The following HS3ST6 variants were observed in gnomAD, a reference collection of about 807,000 sequenced individuals.
HS3ST6 encodes heparan sulfate glucosamine 3-O-sulfotransferase 6.
A neutral mutation model predicts 11.0 loss-of-function variants in HS3ST6; 13 were observed. The observed-to-expected ratio is 1.18, with a 90% CI of 0.77 to 1.88. HS3ST6 has a LOEUF of 1.88. Among genes scored for constraint, HS3ST6 ranks in the 40% most tolerant of loss-of-function variants. HS3ST6 has a pLI of 0.00. For synonymous variants in HS3ST6, 232 were observed against 230.6 expected (o/e 1.01, Z -0.06); for missense variants, 541 against 494.4 (o/e 1.09, Z -0.89).
rs1374008537 is a variant in HS3ST6 at position 1,918,288 on chromosome 16, C to G, written c.36G>C (p.Gly12=). Residue 12 remains glycine, a synonymous_variant, in exon 1 of 2, where the codon GGG becomes GGC. Coordinates refer to ENST00000454677, the MANE Select transcript of HS3ST6 (RefSeq NM_001009606.4). The surrounding 1 kb of genome is among the most constrained non-coding windows in gnomAD (Gnocchi z 6.0). ...AGSGGLGGGA[G]GGQGAGAGQG... Reference sequence around the variant, plus strand: ...GCCCGGCCCCTGCGCCCTGGCCGCCCCCGGCCCCGCCGCCCAGGCCGCCGC... The same window carrying G: ...GCCCGGCCCCTGCGCCCTGGCCGCCGCCGGCCCCGCCGCCCAGGCCGCCGC... 5 of 833,998 alleles carry G rather than the reference C, an allele frequency of 6.0e-6. No individual in the cohort carries two copies. The highest frequency in any genetic ancestry group is 1.0e-4 in the South Asian group (2 of 19,090). The allele number at this position is 833,998 out of a possible 1,614,324, so 51.7% of individuals were successfully genotyped here.
Position 1,918,203 on chromosome 16 carries a change from C to G in HS3ST6, c.121G>C (p.Ala41Pro). ...CCGGGGAGGGCGCAGAGGCAGTAGG[C>G]GCCGAGCACCAGGGCCACGAGCAGC... is the stretch of plus-strand genomic sequence containing the variant. ...PMLLVALVLG[A>P]YCLCALPGRC... Residue 41 changes from alanine to proline, a missense_variant, in exon 1 of 2, where the codon GCC (alanine) becomes CCC (proline). By Grantham distance (27) the Ala-to-Pro change is conservative (BLOSUM62 -1). Transcript: ENST00000454677. The surrounding 1 kb of genome is among the most constrained non-coding windows in gnomAD (Gnocchi z 6.0). 3 of 1,064,410 alleles carry G rather than the reference C, an allele frequency of 2.8e-6. No individual in the cohort carries two copies. Among genetic ancestry groups the G allele is most frequent in the Non-Finnish European group, 3.4e-6 (3 of 883,892 alleles). 65.9% of individuals were successfully genotyped at this position (1,064,410 alleles called of 1,614,324 possible). A position where few individuals can be genotyped will look rare whatever the true frequency, so the allele number is the denominator to read the frequency against.
intron 1 of HS3ST6, among the ~76,000 whole-genome samples, chr16:1,915,930 G>A (rs892262348): frequency 2.0e-5 from 3 of 152,222 alleles, no homozygotes; most frequent in Non-Finnish European, 4.4e-5. Context: ...GCCGTGGCCC[G>A]GAGACTCAAC....
chr16:1,919,711 C>T (rs2082950816), upstream of HS3ST6, among the ~76,000 whole-genome samples: 1 of 152,250 alleles, frequency 6.6e-6, no homozygotes, highest in African/African-American at 2.4e-5. Flanking sequence ...ACAGACATTC[C>T]GGAGCTCCTA....
intron 1 of HS3ST6, among the ~76,000 whole-genome samples, chr16:1,915,806 G>A (rs987856843): frequency 5.3e-5 from 8 of 152,244 alleles, no homozygotes; most frequent in Non-Finnish European, 1.0e-4. Flanking sequence ...GCTGACTGAC[G>A]GTGGAGAGGA....
At chr16:1,915,305 G>A (rs2082918475) in intron 1 of HS3ST6, among the ~76,000 whole-genome samples, 1 of 152,168 alleles carries the variant, frequency 6.6e-6, no homozygotes, top group Non-Finnish European at 1.5e-5. Context: ...CACTCCAGCT[G>A]ACTCTTGTCG....
intron 1 of HS3ST6, among the ~76,000 whole-genome samples, chr16:1,915,287 C>T (rs1321680978): frequency 6.6e-6 from 1 of 152,162 alleles, no homozygotes; most frequent in African/African-American, 2.4e-5. Context: ...GTTTTTGAGA[C>T]AGAGCTGCAC....
chr16:1,918,024 C>A lies in HS3ST6; in HGVS notation c.300G>T (p.Lys100Asn). 1 of 1,533,932 alleles carries A rather than the reference C, an allele frequency of 6.5e-7. No individual in the cohort carries two copies. The highest frequency in any genetic ancestry group is 1.2e-5 in the South Asian group (1 of 82,652). The change falls in exon 1 of 2, where the codon AAG (lysine) becomes AAT (asparagine). Residue 100 changes from lysine to asparagine, a missense_variant. Transcript: ENST00000454677. This position sits in a 1 kb window ranked among gnomAD's most constrained non-coding sequence, Gnocchi z 6.0. ...FPQALIVGVK[K>N]GGTRALLEFL... ...ACTCCAGCAGGGCGCGCGTGCCGCC[C>A]TTCTTCACGCCAACGATGAGCGCTT...
intron 1 of HS3ST6, among the ~76,000 whole-genome samples, chr16:1,915,389 C>T (rs2082919071): frequency 6.6e-6 from 1 of 152,220 alleles, no homozygotes; most frequent in Non-Finnish European, 1.5e-5. Context: ...GATTCTCCTG[C>T]CTCAGCCTCC....
chr16:1,919,949 C>G (rs2082952063), upstream of HS3ST6, among the ~76,000 whole-genome samples: 2 of 152,206 alleles, frequency 1.3e-5, no homozygotes, highest in Admixed American at 1.3e-4. Context: ...GGTATTGTTC[C>G]CAACGGGCTG....
Position 1,911,726 on chromosome 16 carries a change from G to A in HS3ST6, c.893C>T (p.Pro298Leu), listed in dbSNP as rs1311781828. ...GCCCTTGGACTTGCCCAGGCAGCGG[G>A]GACGGCTGCCGCCCTGGGCCTTCTT... ...CLKKAQGGSR[P>L]RCLGKSKGRP... Residue 298 changes from proline (P) to leucine (L), a missense_variant, in exon 2 of 2, where the codon CCC becomes CTC. Transcript: ENST00000454677. The A allele has an allele frequency of 1.2e-6, 2 of 1,612,944 alleles. No individual in the cohort carries two copies. Among genetic ancestry groups the A allele is most frequent in the Admixed American group, 3.3e-5 (2 of 59,922 alleles).
intron 1 of HS3ST6, among the ~76,000 whole-genome samples, chr16:1,914,818 T>C (rs1567298816): frequency 6.6e-6 from 1 of 152,098 alleles, no homozygotes; most frequent in Non-Finnish European, 1.5e-5. Flanking sequence ...TTGGGATCAA[T>C]TACTTTCCCT....
At position 1,912,228 on chromosome 16, in the gene HS3ST6, G is replaced by C. The variant is rs752490117; in HGVS notation, c.414-23C>G. The C allele has an allele frequency of 2.9e-6, 4 of 1,376,762 alleles. No individual in the cohort carries two copies. Among genetic ancestry groups the C allele is most frequent in the Admixed American group, 3.1e-5 (1 of 32,604 alleles). The allele number at this position is 1,376,762 out of a possible 1,614,324, so 85.3% of individuals were successfully genotyped here. A position where few individuals can be genotyped will look rare whatever the true frequency, so the allele number is the denominator to read the frequency against. On this transcript the variant is annotated intron_variant, in intron 1 of 1. Coordinates refer to ENST00000454677, the MANE Select transcript of HS3ST6 (RefSeq NM_001009606.4). This position sits in a 1 kb window ranked among gnomAD's most constrained non-coding sequence, Gnocchi z 5.6. The stretch of plus-strand genomic sequence containing the variant: ...CTCCTGCGGGACGGGTGCAAGGAGA[G>C]GGGGCCTGAGCCTCCCCAGCCCTAG...
Position 1,912,925 on chromosome 16 carries a change from G to A in HS3ST6, c.414-720C>T, listed in dbSNP as rs2082900789. Among the ~76,000 whole-genome samples, 1 of 152,156 alleles carries A rather than the reference G, an allele frequency of 6.6e-6. No homozygotes were observed. Among genetic ancestry groups the A allele is most frequent in the African/African-American group, 2.4e-5 (1 of 41,420 alleles). On this transcript the variant is annotated intron_variant, in intron 1 of 1. Coordinates refer to ENST00000454677, the MANE Select transcript of HS3ST6 (RefSeq NM_001009606.4). This position sits in a 1 kb window ranked among gnomAD's most constrained non-coding sequence, Gnocchi z 5.6. ...TCCTGCCTCAGCCCCCGGAGTAGCT[G>A]GGATTACAGGTGCCCGCCACCACAC...
upstream of HS3ST6, among the ~76,000 whole-genome samples, chr16:1,919,687 G>A (rs1251941299): frequency 3.3e-5 from 5 of 152,218 alleles, no homozygotes; most frequent in African/African-American, 1.2e-4. Context: ...AGGGGCCGAA[G>A]GCCTCCACGA....
chr16:1,911,569 T>G lies in HS3ST6; in HGVS notation c.*21A>C, dbSNP rs2082885899. The G allele has an allele frequency of 6.4e-7, 1 of 1,571,202 alleles. No individual in the cohort carries two copies. The highest frequency in any genetic ancestry group is 1.9e-5 in the Admixed American group (1 of 53,586). On this transcript the variant is annotated 3_prime_UTR_variant, in exon 2 of 2. Coordinates refer to ENST00000454677, the MANE Select transcript of HS3ST6 (RefSeq NM_001009606.4). Reference sequence around the variant, plus strand: ...GGCGAGCGGGTGTCAATCAAGGTGCTGAGCATCCCCAGGGTGCCGCTCAGC... The same window carrying G: ...GGCGAGCGGGTGTCAATCAAGGTGCGGAGCATCCCCAGGGTGCCGCTCAGC...
At chr16:1,917,800 G>A (rs566222577) in intron 1 of HS3ST6, 111 bp downstream of exon 1, 5 of 856,244 alleles carry the variant, frequency 5.8e-6, no homozygotes, top group East Asian at 3.6e-5. Context: ...CCCACTGCCC[G>A]GAGCGCACCC....
In HS3ST6 at chr16:1,918,291, G is replaced by A. The variant is rs1359839300; in HGVS notation, c.33C>T (p.Ala11=). The change falls in exon 1 of 2, where the codon GCC becomes GCT. Residue 11 remains alanine (A), a synonymous_variant. Transcript: ENST00000454677. The surrounding 1 kb of genome is among the most constrained non-coding windows in gnomAD (Gnocchi z 6.0). ...CGGCCCCTGCGCCCTGGCCGCCCCC[G>A]GCCCCGCCGCCCAGGCCGCCGCTAC... The part of the protein sequence containing the change: MAGSGGLGGG[A]GGGQGAGAGQ... 4 of 835,624 alleles carry A rather than the reference G, an allele frequency of 4.8e-6. No individual in the cohort carries two copies. Among genetic ancestry groups the A allele is most frequent in the Non-Finnish European group, 5.8e-6 (4 of 692,538 alleles). The allele number at this position is 835,624 out of a possible 1,614,324, so 51.8% of individuals were successfully genotyped here.
intron 1 of HS3ST6, among the ~76,000 whole-genome samples, chr16:1,915,916 G>GTT (rs1310249714): frequency 9.3e-5 from 13 of 140,284 alleles, no homozygotes; most frequent in Non-Finnish European, 1.9e-4. Flanking sequence ...ACAGCCCAGT[G>GTT]GGAGCCGTGG....
intron 1 of HS3ST6, among the ~76,000 whole-genome samples, chr16:1,916,822 G>C (rs2082929789): frequency 7.0e-6 from 1 of 142,706 alleles, no homozygotes; most frequent in South Asian, 2.2e-4. Context: ...CCTCCTCCCT[G>C]CAGCAGGGAT....
Sources: gnomAD v4.1 joint callset for allele counts (sites outside exome capture counted in the v4.1 genomes callset) on GRCh38, gnomAD v4.1.1 for gene constraint, Gnocchi (gnomAD v3.1) non-coding constraint, MANE v1.5 for transcripts, NCBI Gene and HGNC (gene_info 2026-07-23, HGNC 2026-07-21) for gene names.